GCA: variants seen among roughly 807,000 people sequenced by gnomAD.
The protein encoded by GCA is grancalcin.
A neutral mutation model predicts 32.6 loss-of-function variants in GCA; 30 were observed. The ratio of observed to expected loss-of-function variants is 0.92; its 90% CI spans 0.69 to 1.25. The LOEUF is 1.25. Among genes scored for constraint, GCA ranks in the 50% most tolerant of loss-of-function variants. GCA has a pLI of 0.00. For missense variants in GCA, 291 were observed against 266.8 expected (o/e 1.09, Z -0.63); for synonymous variants, 102 against 84.6 (o/e 1.21, Z -1.13).
upstream of GCA, among the ~76,000 whole-genome samples, chr2:162,343,303 T>C (rs1684510190): frequency 6.6e-6 from 1 of 152,218 alleles, no homozygotes; most frequent in Non-Finnish European, 1.5e-5. Flanking sequence ...GTTCCAGAGA[T>C]AAATCAGACT....
At position 162,359,066 on chromosome 2, in the gene GCA, A is replaced by AT. The variant is rs765598727; in HGVS notation, c.479dup (p.Leu160PhefsTer6). On this transcript the variant is annotated frameshift_variant, in exon 6 of 8. Transcript: ENST00000437150. LOFTEE classifies it high-confidence loss of function. ...TAGGTTATAGGTTGAGTCCTCAAACATTAACTACTATTGTTAAACGTTATA... is the reference window on the plus strand; with the variant it reads ...TAGGTTATAGGTTGAGTCCTCAAACATTTAACTACTATTGTTAAACGTTATA... 1 of 1,583,598 alleles carries AT rather than the reference A, an allele frequency of 6.3e-7. No homozygotes were observed.
chr2:162,367,159 G>T (rs145381140), downstream of GCA, among the ~76,000 whole-genome samples: 4 of 151,756 alleles, frequency 2.6e-5, no homozygotes, highest in African/African-American at 9.7e-5. Flanking sequence ...CTTACTCTGG[G>T]TTTGTCCCAA....
intron 1 of GCA, among the ~76,000 whole-genome samples, chr2:162,328,641 T>A (rs1403557721): frequency 6.6e-6 from 1 of 152,154 alleles, no homozygotes; most frequent in Non-Finnish European, 1.5e-5. Flanking sequence ...GAAGCCTCGG[T>A]GGGAGTGTAT....
At chr2:162,326,160 G>A (rs1268504551) in intron 1 of GCA, among the ~76,000 whole-genome samples, 1 of 152,134 alleles carries the variant, frequency 6.6e-6, no homozygotes, top group Non-Finnish European at 1.5e-5. Context: ...AGAAGGGTTG[G>A]ATCAATCCTA....
At chr2:162,364,673 T>C (rs929673919), downstream of GCA, among the ~76,000 whole-genome samples, 11 of 151,696 alleles carry the variant, frequency 7.3e-5, no homozygotes, top group Middle Eastern at 3.4e-3. Context: ...CAACACATTT[T>C]ATTTACAAGT....
chr2:162,332,099 G>T (rs1684107230), intron 1 of GCA, among the ~76,000 whole-genome samples: 1 of 151,860 alleles, frequency 6.6e-6, no homozygotes, highest in South Asian at 2.1e-4. Flanking sequence ...CATGAGGTCA[G>T]GAGATCGAGA....
chr2:162,342,591 C>A (rs1684487704), upstream of GCA, among the ~76,000 whole-genome samples: 1 of 152,192 alleles, frequency 6.6e-6, no homozygotes, highest in African/African-American at 2.4e-5. Flanking sequence ...AAACTTTGCC[C>A]TGGCAGGAAA....
intron 2 of GCA, among the ~76,000 whole-genome samples, chr2:162,350,350 A>C (rs1474028415): frequency 6.6e-6 from 1 of 152,148 alleles, no homozygotes; most frequent in Non-Finnish European, 1.5e-5. Context: ...ATGTGGAAAA[A>C]TGTAGAGACT....
chr2:162,324,920 T>A (rs1163745406), intron 1 of GCA, among the ~76,000 whole-genome samples: 1 of 152,116 alleles, frequency 6.6e-6, no homozygotes, highest in African/African-American at 2.4e-5. Flanking sequence ...TATCTAAGGG[T>A]TCCTGGCAAA....
chr2:162,350,213 C>T (rs141625872), intron 2 of GCA, among the ~76,000 whole-genome samples: 1 of 152,266 alleles, frequency 6.6e-6, no homozygotes, highest in East Asian at 1.9e-4. Context: ...TGGGAGCAAG[C>T]CTTGGCTGTG....
chr2:162,334,976 T>C (rs1229757807), intron 1 of GCA, among the ~76,000 whole-genome samples: 1 of 152,216 alleles, frequency 6.6e-6, no homozygotes, highest in African/African-American at 2.4e-5. Context: ...TTGGTAAAAC[T>C]GCTCCTAGAT....
At chr2:162,371,229 G>T (rs551217616) in intron 4 of GCA, 15 of 565,920 alleles carry the variant, frequency 2.7e-5, no homozygotes, top group Non-Finnish European at 4.5e-5. Context: ...ATTACTGTTG[G>T]CCTATGTTTA....
chr2:162,347,511 T>C, intron 1 of GCA, 67 bp from the exon 2 acceptor site: 1 of 1,005,052 alleles, frequency 9.9e-7, no homozygotes, highest in South Asian at 2.3e-5. Context: ...TAATTTCTTT[T>C]AATCCAACTT....
chr2:162,361,526 G>A lies in GCA; in HGVS notation c.*1283G>A. 1 of 979,158 alleles carries A rather than the reference G, an allele frequency of 1.0e-6. No homozygotes were observed. The highest frequency in any genetic ancestry group is 4.7e-5 in the South Asian group (1 of 21,142). 60.7% of individuals were successfully genotyped at this position (979,158 alleles called of 1,614,324 possible). ...AAAATCCCATGTTTCTTAATGGATGGAGGATAGATGGCAATATCTTGAACA... is the reference window on the plus strand; with the variant it reads ...AAAATCCCATGTTTCTTAATGGATGAAGGATAGATGGCAATATCTTGAACA... On this transcript the variant is annotated 3_prime_UTR_variant, in exon 8 of 8. Coordinates refer to ENST00000437150, the MANE Select transcript of GCA (RefSeq NM_012198.5).
intron 3 of GCA, among the ~76,000 whole-genome samples, chr2:162,355,331 A>C (rs1285841240): frequency 6.6e-6 from 1 of 152,204 alleles, no homozygotes; most frequent in East Asian, 1.9e-4. Flanking sequence ...TTGATACTAT[A>C]TTAAACATTT....
chr2:162,321,931 TATAC>T (rs1429423215), intron 1 of GCA, among the ~76,000 whole-genome samples: 14 of 75,828 alleles, frequency 1.8e-4, no homozygotes, highest in African/African-American at 9.4e-4. Flanking sequence ...TATATATATA[TATAC>T]ACACATACAT....
chr2:162,322,558 T>TC (rs1227093344), intron 1 of GCA, among the ~76,000 whole-genome samples: 15 of 74,908 alleles, frequency 2.0e-4, no homozygotes, highest in African/African-American at 7.2e-4. Flanking sequence ...CCCTCCCCCC[T>TC]CCCCCCACCC....
At chr2:162,353,134 C>T (rs1202796285) in intron 3 of GCA, among the ~76,000 whole-genome samples, 14 of 151,966 alleles carry the variant, frequency 9.2e-5, no homozygotes, top group Admixed American at 6.6e-4. Context: ...AATTCATTAT[C>T]TTATTTTAGT....
At chr2:162,372,066 A>G, downstream of GCA, 1 of 1,613,016 alleles carries the variant, frequency 6.2e-7, no homozygotes, top group African/African-American at 1.3e-5. Flanking sequence ...ATTTAAGTTT[A>G]GATTTTTCAA....
Sources: gnomAD v4.1 joint callset for allele counts (sites outside exome capture counted in the v4.1 genomes callset) on GRCh38, gnomAD v4.1.1 for gene constraint, MANE v1.5 for transcripts, NCBI Gene and HGNC (gene_info 2026-07-23, HGNC 2026-07-21) for gene names.